PARD3B: variants seen among roughly 807,000 people sequenced by gnomAD.
PARD3B encodes partitioning defective 3 homolog B.
PARD3B carries 103 observed loss-of-function variants against 130.2 expected under a neutral mutation model. That is an observed-to-expected ratio of 0.79 (90% confidence interval 0.67 to 0.93). PARD3B has a LOEUF of 0.93. Ranked by LOEUF, PARD3B falls within the 40% of genes least tolerant of loss-of-function variation. PARD3B has a pLI of 0.00. For synonymous variants in PARD3B, 583 were observed against 553.2 expected (o/e 1.05, Z -0.76); for missense variants, 1,609 against 1,499.2 (o/e 1.07, Z -1.21).
rs1235348919 is a variant in PARD3B, at chr2:205,183,018, C to T, written c.1925-2746C>T. 6.6e-6 allele frequency among the ~76,000 whole-genome samples: 1 copy of T among 152,134 alleles called. No homozygotes were observed. Among genetic ancestry groups the T allele is most frequent in the East Asian group, 1.9e-4 (1 of 5,198 alleles). On this transcript the variant is annotated intron_variant, in intron 13 of 22. Transcript: ENST00000406610. The surrounding 1 kb of genome is among the most constrained non-coding windows in gnomAD (Gnocchi z 5.2). ...CGTATGCCCAGGAAGAGAGGAAGAGCACGGATAGAGTGGGCACTGGTCTTC... is the reference window on the plus strand; with the variant it reads ...CGTATGCCCAGGAAGAGAGGAAGAGTACGGATAGAGTGGGCACTGGTCTTC...
chr2:204,929,491 A>G (rs1687868257), intron 2 of PARD3B, among the ~76,000 whole-genome samples: 1 of 152,180 alleles, frequency 6.6e-6, no homozygotes, highest in African/African-American at 2.4e-5. Flanking sequence ...AATTACTGGG[A>G]AAGTCCTTTT....
chr2:204,555,565 A>T (rs980958274), intron 1 of PARD3B, among the ~76,000 whole-genome samples: 2 of 152,144 alleles, frequency 1.3e-5, no homozygotes, highest in Non-Finnish European at 2.9e-5. Flanking sequence ...CTTAAAAAAA[A>T]TTTATATCCA....
chr2:204,844,823 A>C (rs920438145), intron 2 of PARD3B, among the ~76,000 whole-genome samples: 2 of 152,160 alleles, frequency 1.3e-5, no homozygotes, highest in Non-Finnish European at 2.9e-5. Flanking sequence ...TTTTATTTGA[A>C]AATGTATTAA....
intron 21 of PARD3B, among the ~76,000 whole-genome samples, chr2:205,503,857 T>C (rs570000849): frequency 6.6e-6 from 1 of 152,206 alleles, no homozygotes; most frequent in East Asian, 1.9e-4. Context: ...CATTGAGCAG[T>C]GGTTTGTAGT....
chr2:204,800,142 G>T (rs2042515857), intron 2 of PARD3B, among the ~76,000 whole-genome samples: 3 of 152,196 alleles, frequency 2.0e-5, no homozygotes, highest in Admixed American at 2.0e-4. Context: ...GCACAGAGAA[G>T]GAATTCAGAA....
chr2:205,053,927 T>G (rs1040679217), intron 4 of PARD3B, among the ~76,000 whole-genome samples: 1 of 152,104 alleles, frequency 6.6e-6, no homozygotes, highest in East Asian at 1.9e-4. Flanking sequence ...GACACAGTGA[T>G]TTAATAATAG....
intron 22 of PARD3B, among the ~76,000 whole-genome samples, chr2:205,609,246 T>A (rs903439743): frequency 6.6e-6 from 1 of 152,188 alleles, no homozygotes; most frequent in African/African-American, 2.4e-5. Flanking sequence ...ACTAAAAGCA[T>A]CTCTGTGCAC....
intron 1 of PARD3B, among the ~76,000 whole-genome samples, chr2:204,643,262 A>G (rs1168948147): frequency 1.3e-5 from 2 of 151,866 alleles, no homozygotes; most frequent in African/African-American, 4.8e-5. Flanking sequence ...CCTCCTGTAC[A>G]GTCCGTGGAT....
At chr2:205,428,403 A>T (rs1486388725) in intron 19 of PARD3B, among the ~76,000 whole-genome samples, 1 of 151,730 alleles carries the variant, frequency 6.6e-6, no homozygotes, top group African/African-American at 2.4e-5. Context: ...AAATAAAAAG[A>T]GGCCCCAGAG....
intron 16 of PARD3B, among the ~76,000 whole-genome samples, chr2:205,259,107 T>G (rs755452850): frequency 6.6e-6 from 1 of 152,176 alleles, no homozygotes; most frequent in Non-Finnish European, 1.5e-5. Context: ...TTGTTTTCTT[T>G]CTTATTTTTT....
intron 18 of PARD3B, among the ~76,000 whole-genome samples, chr2:205,398,131 T>C (rs1316397788): frequency 1.3e-5 from 2 of 152,084 alleles, no homozygotes; most frequent in Non-Finnish European, 2.9e-5. Context: ...AAACCCTGTC[T>C]CTACTAAAAA....
In PARD3B at chr2:205,440,806, A is replaced by G. The variant is rs1181347006; in HGVS notation, c.3044+134A>G. ...CGAGTCAGTACCCTAGACAAGTGCC[A>G]TCCTTTGACCGACCTGTAAGATATC... On this transcript the variant is annotated intron_variant, in intron 20 of 22. Transcript: ENST00000406610. This position sits in a 1 kb window ranked among gnomAD's most constrained non-coding sequence, Gnocchi z 4.2. 5.5e-6 allele frequency: 5 copies of G among 904,934 alleles called. No individual in the cohort carries two copies. Among genetic ancestry groups the G allele is most frequent in the Non-Finnish European group, 6.6e-6 (4 of 608,470 alleles). The allele number at this position is 904,934 out of a possible 1,614,324, so 56.1% of individuals were successfully genotyped here.
chr2:205,051,716 C>T (rs1026044650), intron 4 of PARD3B, among the ~76,000 whole-genome samples: 1 of 152,170 alleles, frequency 6.6e-6, no homozygotes, highest in Non-Finnish European at 1.5e-5. Context: ...TTAAGATGTA[C>T]ACTCTCAGAC....
intron 2 of PARD3B, among the ~76,000 whole-genome samples, chr2:204,958,192 G>T (rs1408277444): frequency 6.6e-6 from 1 of 152,078 alleles, no homozygotes; most frequent in African/African-American, 2.4e-5. Flanking sequence ...ATAGGCTAAA[G>T]ATAATAGCAT....
intron 2 of PARD3B, among the ~76,000 whole-genome samples, chr2:204,820,070 A>AATTTTTT (rs1559170803): frequency 1.2e-5 from 1 of 86,312 alleles, no homozygotes; most frequent in African/African-American, 6.4e-5. Context: ...TAAACAATAG[A>AATTTTTT]CTTTTTTTTT....
At chr2:204,696,935 T>C (rs1487844915) in intron 2 of PARD3B, among the ~76,000 whole-genome samples, 2 of 152,096 alleles carry the variant, frequency 1.3e-5, no homozygotes, top group Non-Finnish European at 2.9e-5. Context: ...TGTTCAGAAA[T>C]AATGTCTTCA....
At chr2:205,000,410 T>A (rs1345703275) in intron 3 of PARD3B, among the ~76,000 whole-genome samples, 2 of 152,142 alleles carry the variant, frequency 1.3e-5, no homozygotes, top group Non-Finnish European at 2.9e-5. Flanking sequence ...AAATAACCTT[T>A]CTTAGTTCTG....
At chr2:204,633,087 A>C (rs1432146714) in intron 1 of PARD3B, among the ~76,000 whole-genome samples, 2 of 152,130 alleles carry the variant, frequency 1.3e-5, no homozygotes, top group African/African-American at 4.8e-5. Context: ...TTTTCTTTGG[A>C]TATATACCTA....
chr2:205,565,459 C>A (rs879802213), intron 22 of PARD3B, among the ~76,000 whole-genome samples: 1 of 152,114 alleles, frequency 6.6e-6, no homozygotes, highest in Non-Finnish European at 1.5e-5. Context: ...ATATATAAGA[C>A]AGTTTCTAGC....
Sources: allele counts gnomAD v4.1 joint callset (sites outside exome capture counted in the v4.1 genomes callset), GRCh38; gene constraint gnomAD v4.1.1; non-coding constraint Gnocchi (gnomAD v3.1); transcripts MANE v1.5; gene names NCBI Gene and HGNC (gene_info 2026-07-23, HGNC 2026-07-21).